Variants in SPIDR observed in about 807,000 individuals in gnomAD.
The protein encoded by SPIDR is DNA repair-scaffolding protein.
In SPIDR, 93 loss-of-function variants were observed where a neutral mutation model predicts 104.6. The observed-to-expected ratio is 0.89, with a 90% CI of 0.75 to 1.06. The LOEUF (loss-of-function observed/expected upper bound fraction) is 1.06, where lower values mean the gene tolerates loss of function less well. SPIDR is among the 50% of genes least tolerant of loss of function. SPIDR has a pLI of 0.00. For missense variants in SPIDR, 1,154 were observed against 1,111.2 expected (o/e 1.04, Z -0.55); for synonymous variants, 431 against 416.9 (o/e 1.03, Z -0.41).
chr8:47,731,989 A>C, intron 19 of SPIDR: 1 of 601,772 alleles, frequency 1.7e-6, no homozygotes, highest in Non-Finnish European at 3.0e-6. Flanking sequence ...CATGGCACAC[A>C]GCTCTCCAGC....
At chr8:47,655,854 T>G (rs1348389377) in intron 10 of SPIDR, among the ~76,000 whole-genome samples, 1 of 152,222 alleles carries the variant, frequency 6.6e-6, no homozygotes, top group Non-Finnish European at 1.5e-5. Flanking sequence ...TTTTTATGGT[T>G]TTGGGTCTAA....
chr8:47,641,820 G>A (rs569806133), intron 10 of SPIDR, among the ~76,000 whole-genome samples: 3 of 152,182 alleles, frequency 2.0e-5, no homozygotes, highest in East Asian at 1.9e-4. Context: ...TGGTTGAGAC[G>A]ACATTGAATT....
chr8:47,293,917 A>G lies in SPIDR; in HGVS notation c.412A>G (p.Ser138Gly). ...WEIDSDRAEA[S>G]DCDEFEDDEG... ...GATTGACAGTGACAGGGCAGAGGCT[A>G]GTGACTGTGATGAATTTGAAGATGA... Residue 138 changes from serine (S) to glycine (G), a missense_variant, in exon 5 of 20, where the codon AGT (serine) becomes GGT (glycine). Transcript: ENST00000297423. 2 of 1,614,090 alleles carry G rather than the reference A, an allele frequency of 1.2e-6. No individual in the cohort carries two copies. Among genetic ancestry groups the G allele is most frequent in the Non-Finnish European group, 8.5e-7 (1 of 1,179,964 alleles).
chr8:47,302,793 C>T (rs1223450873), intron 5 of SPIDR, among the ~76,000 whole-genome samples: 4 of 152,164 alleles, frequency 2.6e-5, no homozygotes, highest in African/African-American at 7.2e-5. Flanking sequence ...GCTGCCTGAT[C>T]ATTCCTCTGG....
chr8:47,628,911 A>G (rs1414648245), intron 10 of SPIDR, among the ~76,000 whole-genome samples: 1 of 152,230 alleles, frequency 6.6e-6, no homozygotes, highest in Non-Finnish European at 1.5e-5. Flanking sequence ...GGGCTCAGCT[A>G]CTTTCTGGAT....
At chr8:47,470,320 G>C (rs573590498) in intron 8 of SPIDR, among the ~76,000 whole-genome samples, 2 of 152,094 alleles carry the variant, frequency 1.3e-5, no homozygotes, top group South Asian at 4.2e-4. Flanking sequence ...ATGGAATCTT[G>C]CTCTGCCGTC....
chr8:47,707,252 CAAAAAAAAA>C (rs34372972), intron 14 of SPIDR, among the ~76,000 whole-genome samples: 1 of 95,434 alleles, frequency 1.0e-5, no homozygotes, highest in African/African-American at 4.5e-5. Context: ...GACTCTTTCT[CAAAAAAAAA>C]AAAAAAAAAA....
At chr8:47,380,708 A>G (rs1554645041) in intron 5 of SPIDR, among the ~76,000 whole-genome samples, 1 of 152,186 alleles carries the variant, frequency 6.6e-6, no homozygotes, top group Non-Finnish European at 1.5e-5. Flanking sequence ...ACATGTATCT[A>G]GTTTAAGGAA....
intron 8 of SPIDR, 70 bp downstream of exon 8, chr8:47,440,612 C>G (rs576249762): frequency 4.4e-5 from 65 of 1,484,352 alleles, no homozygotes; most frequent in Non-Finnish European, 5.6e-5. Flanking sequence ...ACATTTTTAT[C>G]AGTTACATTT....
chr8:47,699,026 A>G (rs1175749109), intron 11 of SPIDR, among the ~76,000 whole-genome samples: 3 of 152,218 alleles, frequency 2.0e-5, no homozygotes, highest in African/African-American at 7.2e-5. Context: ...TCTATACTGT[A>G]TAAAGAAATT....
At chr8:47,322,092 A>T (rs996387770) in intron 5 of SPIDR, among the ~76,000 whole-genome samples, 1 of 152,238 alleles carries the variant, frequency 6.6e-6, no homozygotes, top group Non-Finnish European at 1.5e-5. Flanking sequence ...AAAATTGACA[A>T]CTAGGATCTA....
intron 8 of SPIDR, among the ~76,000 whole-genome samples, chr8:47,564,695 A>C (rs921331043): frequency 1.3e-5 from 2 of 152,098 alleles, no homozygotes. Flanking sequence ...AGAAAAAAAA[A>C]AAAAAAGAAT....
intron 16 of SPIDR, among the ~76,000 whole-genome samples, chr8:47,724,303 G>A (rs954178708): frequency 3.3e-5 from 5 of 152,158 alleles, no homozygotes; most frequent in Non-Finnish European, 7.3e-5. Flanking sequence ...AAATAACAAA[G>A]ATTATCCAAG....
At position 47,735,696 on chromosome 8, in the gene SPIDR, T is replaced by A; in HGVS notation, c.*246T>A. 1.1e-6 allele frequency: 1 copy of A among 886,146 alleles called. No individual in the cohort carries two copies. Among genetic ancestry groups the A allele is most frequent in the Non-Finnish European group, 1.6e-6 (1 of 606,456 alleles). 54.9% of individuals were successfully genotyped at this position (886,146 alleles called of 1,614,324 possible). On this transcript the variant is annotated 3_prime_UTR_variant, in exon 20 of 20. Coordinates refer to ENST00000297423, the MANE Select transcript of SPIDR (RefSeq NM_001080394.4). ...GGAACATATTTACTCGTTTTCACAT[T>A]GAATCTTAAGTTTAAGCTCTTCATT...
chr8:47,297,682 C>G (rs2041145877), intron 5 of SPIDR, among the ~76,000 whole-genome samples: 1 of 152,082 alleles, frequency 6.6e-6, no homozygotes, highest in Non-Finnish European at 1.5e-5. Flanking sequence ...TGTTCACTTC[C>G]CACCTGTGAG....
chr8:47,517,751 T>A (rs2083380533), intron 8 of SPIDR, among the ~76,000 whole-genome samples: 1 of 152,264 alleles, frequency 6.6e-6, no homozygotes, highest in East Asian at 1.9e-4. Flanking sequence ...AAAAATTTGC[T>A]AATTTTCGTG....
chr8:47,635,468 T>C (rs1214569737), intron 10 of SPIDR, among the ~76,000 whole-genome samples: 1 of 152,204 alleles, frequency 6.6e-6, no homozygotes, highest in Non-Finnish European at 1.5e-5. Context: ...TCAAAATATC[T>C]CTTGTACCCC....
At chr8:47,681,840 CA>C (rs2077130826) in intron 11 of SPIDR, among the ~76,000 whole-genome samples, 1 of 152,056 alleles carries the variant, frequency 6.6e-6, no homozygotes, top group Admixed American at 6.6e-5. Flanking sequence ...CTTTAATTTA[CA>C]AAGACTTATT....
intron 8 of SPIDR, among the ~76,000 whole-genome samples, chr8:47,565,649 CTTTT>C (rs1219832781): frequency 6.6e-6 from 1 of 151,314 alleles, no homozygotes; most frequent in African/African-American, 2.4e-5. Flanking sequence ...CATTTGTATT[CTTTT>C]TTTATTGTTG....
Sources: allele counts gnomAD v4.1 joint callset (sites outside exome capture counted in the v4.1 genomes callset), GRCh38; gene constraint gnomAD v4.1.1; transcripts MANE v1.5; gene names NCBI Gene and HGNC (gene_info 2026-07-23, HGNC 2026-07-21).